The following SLC47A2 variants were observed in gnomAD, a reference collection of about 807,000 sequenced individuals.
The protein encoded by SLC47A2 is solute carrier family 47 member 2.
A neutral mutation model predicts 67.7 loss-of-function variants in SLC47A2; 52 were observed. The ratio of observed to expected loss-of-function variants is 0.77; its 90% CI spans 0.61 to 0.97. SLC47A2 has a LOEUF of 0.97. SLC47A2 is among the 50% of genes least tolerant of loss of function. The probability of loss-of-function intolerance (pLI) is 0.00; values close to 1 mark genes in which losing one functional copy is unlikely to be tolerated. For synonymous variants in SLC47A2, 278 were observed against 292.9 expected, an observed-to-expected ratio of 0.95 and a Z score of 0.52; for missense variants, 676 against 712.3, an observed-to-expected ratio of 0.95 and a Z score of 0.58.
intron 15 of SLC47A2, among the ~76,000 whole-genome samples, chr17:19,680,910 C>T (rs1206391505): frequency 6.6e-6 from 1 of 152,164 alleles, no homozygotes; most frequent in Non-Finnish European, 1.5e-5. Context: ...TGTTGAGGCT[C>T]AGGTGGCCCC....
At chr17:19,715,045 G>T (rs2086213656) in intron 2 of SLC47A2, 71 bp downstream of exon 2, 2 of 1,518,890 alleles carry the variant, frequency 1.3e-6, no homozygotes, top group South Asian at 2.2e-5. Context: ...CCCAAGACGG[G>T]CCCACCCGGG....
rs778768646 is a variant in SLC47A2 at position 19,706,637 on chromosome 17, C to G, written c.841+11G>C. ...CACACGCCATTGCGCCCCCCATCCTCTTCCACGTACCCATGAGGAAGCTCC... is the reference window on the plus strand; with the variant it reads ...CACACGCCATTGCGCCCCCCATCCTGTTCCACGTACCCATGAGGAAGCTCC... On this transcript the variant is annotated intron_variant, in intron 9 of 16. Coordinates refer to ENST00000433844, the MANE Select transcript of SLC47A2 (RefSeq NM_001099646.3). The G allele has an allele frequency of 5.1e-6, 8 of 1,574,456 alleles. No homozygotes were observed. Among genetic ancestry groups the G allele is most frequent in the Middle Eastern group, 3.4e-4 (2 of 5,914 alleles).
At chr17:19,698,294 A>C (rs1479183545) in intron 13 of SLC47A2, among the ~76,000 whole-genome samples, 1 of 152,164 alleles carries the variant, frequency 6.6e-6, no homozygotes, top group African/African-American at 2.4e-5. Context: ...TTAAATGGCT[A>C]CTGTGTTTCA....
At chr17:19,684,290 A>C (rs2386144) in intron 13 of SLC47A2, among the ~76,000 whole-genome samples, 31,442 of 152,146 alleles carry the variant, frequency 0.21, 3,667 homozygotes, top group East Asian at 0.39. Flanking sequence ...TGCCAGAAAT[A>C]AAACCCCAAA....
At chr17:19,697,346 G>A (rs548716789) in intron 13 of SLC47A2, among the ~76,000 whole-genome samples, 4 of 151,990 alleles carry the variant, frequency 2.6e-5, no homozygotes, top group South Asian at 2.1e-4. Context: ...GTCCCACCTC[G>A]ACAGGGCACA....
chr17:19,692,480 C>T (rs1198745902), intron 13 of SLC47A2, among the ~76,000 whole-genome samples: 2 of 152,084 alleles, frequency 1.3e-5, no homozygotes, highest in Non-Finnish European at 2.9e-5. Context: ...ATTACTGAAA[C>T]TAACTTAACA....
chr17:19,715,455 GC>G (rs1210048501), intron 1 of SLC47A2, among the ~76,000 whole-genome samples: 3 of 69,690 alleles, frequency 4.3e-5, no homozygotes. Context: ...CTGGCGCAGC[GC>G]AGTGCCTGGC....
intron 13 of SLC47A2, among the ~76,000 whole-genome samples, chr17:19,684,075 AAC>A (rs1039960460): frequency 1.9e-4 from 29 of 152,194 alleles, no homozygotes; most frequent in African/African-American, 7.0e-4. Context: ...CAATAAACTA[AAC>A]TTAAAACAAT....
At chr17:19,715,058 C>G in intron 2 of SLC47A2, 58 bp downstream of exon 2, 1 of 1,570,022 alleles carries the variant, frequency 6.4e-7, no homozygotes, top group African/African-American at 1.3e-5. Flanking sequence ...CACCCGGGAA[C>G]CCGGTGGAGA....
chr17:19,699,390 T>C (rs2085736358), intron 13 of SLC47A2, among the ~76,000 whole-genome samples: 1 of 152,200 alleles, frequency 6.6e-6, no homozygotes, highest in Non-Finnish European at 1.5e-5. Context: ...TATTTTACTT[T>C]ATTTTTAGAG....
intron 16 of SLC47A2, among the ~76,000 whole-genome samples, chr17:19,679,495 C>A (rs561241699): frequency 3.3e-5 from 5 of 152,168 alleles, no homozygotes; most frequent in Non-Finnish European, 4.4e-5. Flanking sequence ...AGGTGCCCCC[C>A]CAAAGCCAAT....
Position 19,678,674 on chromosome 17 carries a change from C to A in SLC47A2, c.*12G>T, listed in dbSNP as rs1206295185. 4.3e-6 allele frequency: 7 copies of A among 1,610,750 alleles called. No individual in the cohort carries two copies. In the Admixed American group the frequency reaches 1.0e-4, roughly 23 times the overall value. On this transcript the variant is annotated 3_prime_UTR_variant, in exon 17 of 17. Coordinates refer to ENST00000433844, the MANE Select transcript of SLC47A2 (RefSeq NM_001099646.3). ...ACAGCCACTCCTGGCTTTCTATTTCCAAGCTTCTTTGCTAGTGCCTGGTGG... is the reference window on the plus strand; with the variant it reads ...ACAGCCACTCCTGGCTTTCTATTTCAAAGCTTCTTTGCTAGTGCCTGGTGG...
Position 19,705,191 on chromosome 17 carries a change from TACTA to T in SLC47A2, c.909+241_909+244del, listed in dbSNP as rs1052608538. ...GTGAAATCTCCCAATTTTAAAATGA[TACTA>T]ATTAATTTTTAAAATTCCAACATCT... On this transcript the variant is annotated intron_variant, in intron 10 of 16. Coordinates refer to ENST00000433844, the MANE Select transcript of SLC47A2 (RefSeq NM_001099646.3). The T allele has an allele frequency of 1.7e-4, 83 of 485,866 alleles. No homozygotes were observed. The Middle Eastern group carries it at 2.1e-3, about 12-fold the overall frequency. 30.1% of individuals were successfully genotyped at this position (485,866 alleles called of 1,614,324 possible).
rs1464244393 is a variant in SLC47A2, at chr17:19,716,577, C to T, written c.-22G>A. The T allele has an allele frequency of 1.9e-6, 3 of 1,574,298 alleles. No individual in the cohort carries two copies. Among genetic ancestry groups the T allele is most frequent in the Middle Eastern group, 1.7e-4 (1 of 5,840 alleles). Reference sequence around the variant, plus strand: ...CCATTCCTGGCCGGGGCACTGGCTACCCTGCACGCCTGAGCGCCTGCACGG... The same window carrying T: ...CCATTCCTGGCCGGGGCACTGGCTATCCTGCACGCCTGAGCGCCTGCACGG... On this transcript the variant is annotated 5_prime_UTR_variant, in exon 1 of 17. Transcript: ENST00000433844.
In SLC47A2 at chr17:19,678,530, G is replaced by C. The variant is rs897892961; in HGVS notation, c.*156C>G. The C allele has an allele frequency of 1.4e-6, 1 of 703,786 alleles. No homozygotes were observed. Among genetic ancestry groups the C allele is most frequent in the Non-Finnish European group, 2.4e-6 (1 of 416,898 alleles). 43.6% of individuals were successfully genotyped at this position (703,786 alleles called of 1,614,324 possible). A position where few individuals can be genotyped will look rare whatever the true frequency, so the allele number is the denominator to read the frequency against. On this transcript the variant is annotated 3_prime_UTR_variant, in exon 17 of 17. Coordinates refer to ENST00000433844, the MANE Select transcript of SLC47A2 (RefSeq NM_001099646.3). ...GTCAAGTCTGTTCAGACCCCTCTGA[G>C]TGTCACCACAAGGAATCAGCCAAAG...
chr17:19,685,958 G>A lies in SLC47A2; in HGVS notation c.1165-4288C>T, dbSNP rs1285373043. Among the ~76,000 whole-genome samples, 1 of 152,130 alleles carries A rather than the reference G, an allele frequency of 6.6e-6. No individual in the cohort carries two copies. On this transcript the variant is annotated intron_variant, in intron 13 of 16. Transcript: ENST00000433844. The surrounding 1 kb of genome is among the most constrained non-coding windows in gnomAD (Gnocchi z 4.5). ...TGCAATCAGTATTTAGTTGTCACTA[G>A]TTTAAAAATAATGGATTATTGGCCA... is the stretch of plus-strand genomic sequence containing the variant.
intron 13 of SLC47A2, among the ~76,000 whole-genome samples, chr17:19,688,211 A>G (rs77329853): frequency 0.023 from 3,460 of 152,316 alleles, 107 homozygotes; most frequent in African/African-American, 0.072. Context: ...GGTTCATCAT[A>G]TGCAAACCAA....
Position 19,708,767 on chromosome 17 carries a change from G to A in SLC47A2, c.487-7C>T, listed in dbSNP as rs375452433. The stretch of plus-strand genomic sequence containing the variant: ...GATTGTAAAGAAAAATCACCTGTAT[G>A]AAAAGCAAACCCAAACAAATCAACA... On this transcript the variant is annotated splice_region_variant and splice_polypyrimidine_tract_variant and intron_variant, in intron 5 of 16. Coordinates refer to ENST00000433844, the MANE Select transcript of SLC47A2 (RefSeq NM_001099646.3). 62 of 1,613,936 alleles carry A rather than the reference G, an allele frequency of 3.8e-5. No homozygotes were observed. The African/African-American group carries it at 7.9e-4, about 20-fold the overall frequency.
At chr17:19,714,381 T>C in intron 3 of SLC47A2, 1 of 440,860 alleles carries the variant, frequency 2.3e-6, no homozygotes, top group Non-Finnish European at 4.1e-6. Flanking sequence ...CTGTGTCCCC[T>C]TGGCCTTCGA....
Sources: allele counts gnomAD v4.1 joint callset (sites outside exome capture counted in the v4.1 genomes callset), GRCh38; gene constraint gnomAD v4.1.1; non-coding constraint Gnocchi (gnomAD v3.1); transcripts MANE v1.5; gene names NCBI Gene and HGNC (gene_info 2026-07-23, HGNC 2026-07-21).